The following ANKS1B variants were observed in gnomAD, a reference collection of about 807,000 sequenced individuals.
ANKS1B encodes ankyrin repeat and sterile alpha motif domain-containing protein 1B.
In ANKS1B, 36 loss-of-function variants were observed where a neutral mutation model predicts 148.3. The observed-to-expected ratio is 0.24, with a 90% CI of 0.19 to 0.32. ANKS1B has a LOEUF of 0.32. ANKS1B is among the 10% of genes least tolerant of loss of function. ANKS1B has a pLI of 1.00. For synonymous variants in ANKS1B, 542 were observed against 560.8 expected (o/e 0.97, Z 0.47); for missense variants, 1,157 against 1,542.6 (o/e 0.75, Z 4.19).
intron 25 of ANKS1B, among the ~76,000 whole-genome samples, chr12:98,765,829 T>C (rs6538884): frequency 0.74 from 111,835 of 152,110 alleles, 41,313 homozygotes; most frequent in Admixed American, 0.81. Flanking sequence ...CTCTTGACCT[T>C]AGGTGATCCG....
intron 22 of ANKS1B, chr12:98,794,591 G>T: frequency 3.9e-6 from 3 of 770,588 alleles, no homozygotes; most frequent in Non-Finnish European, 6.9e-6. Context: ...AAATCTAAAT[G>T]TCATTAAAAA....
chr12:99,644,190 C>G (rs976766132), intron 9 of ANKS1B, among the ~76,000 whole-genome samples: 2 of 152,112 alleles, frequency 1.3e-5, no homozygotes, highest in Non-Finnish European at 1.5e-5. Context: ...GAATATAATT[C>G]CTCTAGACTA....
chr12:99,812,520 C>T (rs2068506339), intron 2 of ANKS1B, among the ~76,000 whole-genome samples: 1 of 76,348 alleles, frequency 1.3e-5, no homozygotes, highest in South Asian at 5.7e-4. Flanking sequence ...GCCACACACA[C>T]ACACACACAC....
intron 1 of ANKS1B, among the ~76,000 whole-genome samples, chr12:99,895,610 T>G (rs1196895560): frequency 1.3e-5 from 2 of 150,724 alleles, no homozygotes; most frequent in Admixed American, 1.3e-4. Flanking sequence ...TTCAAAAAAC[T>G]ACCCCAGAAC....
intron 14 of ANKS1B, among the ~76,000 whole-genome samples, chr12:99,206,402 T>A (rs898194243): frequency 6.6e-6 from 1 of 152,176 alleles, no homozygotes; most frequent in Non-Finnish European, 1.5e-5. Flanking sequence ...ACACTGCATT[T>A]AAGATGTGCA....
intron 1 of ANKS1B, among the ~76,000 whole-genome samples, chr12:99,962,483 C>T (rs917637489): frequency 3.3e-5 from 5 of 152,042 alleles, no homozygotes; most frequent in East Asian, 1.9e-4. Flanking sequence ...TCCATGACTT[C>T]GAGATTGTAA....
chr12:99,406,827 A>G lies in ANKS1B; in HGVS notation c.1576-7016T>C, dbSNP rs947172600. On this transcript the variant is annotated intron_variant, in intron 11 of 26. Coordinates refer to ENST00000683438, the MANE Select transcript of ANKS1B (RefSeq NM_001352186.2). Reference sequence around the variant, plus strand: ...AATAAAATGAGAGAAGAAAAAGACAACGTTACAACTGATGCCACAGAAATT... The same window carrying G: ...AATAAAATGAGAGAAGAAAAAGACAGCGTTACAACTGATGCCACAGAAATT... Among the ~76,000 whole-genome samples the G allele has an allele frequency of 5.5e-5, 8 of 145,992 alleles. 1 individual carries two copies. The highest frequency in any genetic ancestry group is 1.1e-4 in the Non-Finnish European group (7 of 66,014).
At chr12:99,375,120 G>A (rs1204449762) in intron 12 of ANKS1B, among the ~76,000 whole-genome samples, 2 of 152,170 alleles carry the variant, frequency 1.3e-5, no homozygotes, top group Non-Finnish European at 2.9e-5. Context: ...TCCGTTAGTT[G>A]AGTTAAAAAA....
At chr12:99,515,369 T>C (rs1476989709) in intron 9 of ANKS1B, among the ~76,000 whole-genome samples, 3 of 152,070 alleles carry the variant, frequency 2.0e-5, no homozygotes, top group African/African-American at 7.2e-5. Flanking sequence ...CTACTTTATG[T>C]CTCCATGAGT....
intron 15 of ANKS1B, among the ~76,000 whole-genome samples, chr12:99,112,213 C>T (rs1340059923): frequency 6.6e-6 from 1 of 152,106 alleles, no homozygotes; most frequent in Admixed American, 6.5e-5. Context: ...ATCAGAATCA[C>T]ACTTTCCTCA....
At chr12:99,058,094 A>G (rs2040896088) in intron 16 of ANKS1B, among the ~76,000 whole-genome samples, 1 of 152,162 alleles carries the variant, frequency 6.6e-6, no homozygotes, top group Admixed American at 6.5e-5. Flanking sequence ...TGGAATATAA[A>G]TCAGACCTTT....
At chr12:99,805,936 C>A (rs1163938865) in intron 4 of ANKS1B, among the ~76,000 whole-genome samples, 1 of 152,228 alleles carries the variant, frequency 6.6e-6, no homozygotes, top group Non-Finnish European at 1.5e-5. Context: ...ATCTTTGAAT[C>A]TGATTCCTCA....
intron 15 of ANKS1B, among the ~76,000 whole-genome samples, chr12:99,092,560 C>T (rs1199148553): frequency 3.3e-5 from 5 of 151,002 alleles, no homozygotes; most frequent in Non-Finnish European, 5.9e-5. Context: ...ATATGCTGAA[C>T]GTTTCCCAGT....
chr12:99,514,331 C>T (rs979681228), intron 9 of ANKS1B, among the ~76,000 whole-genome samples: 1 of 151,966 alleles, frequency 6.6e-6, no homozygotes, highest in South Asian at 2.1e-4. Context: ...TCATATAGTA[C>T]GTATTTAATA....
At chr12:98,978,870 G>A (rs145739591) in intron 17 of ANKS1B, among the ~76,000 whole-genome samples, 107 of 152,220 alleles carry the variant, frequency 7.0e-4, no homozygotes, top group African/African-American at 2.4e-3. Flanking sequence ...AGGGCCGGGC[G>A]CGGTGGCTCA....
At chr12:99,868,309 C>A (rs1248996543) in intron 1 of ANKS1B, among the ~76,000 whole-genome samples, 3 of 152,086 alleles carry the variant, frequency 2.0e-5, no homozygotes, top group African/African-American at 7.2e-5. Context: ...CTGAGCTGTA[C>A]AAATACAGTA....
chr12:99,238,572 G>A (rs543717851), intron 14 of ANKS1B, among the ~76,000 whole-genome samples: 3 of 152,194 alleles, frequency 2.0e-5, no homozygotes, highest in Admixed American at 1.3e-4. Flanking sequence ...TCAGCACAGC[G>A]TTTGAGCTCC....
chr12:98,744,624 A>G lies in ANKS1B; in HGVS notation c.*1115T>C, dbSNP rs1245594168. The G allele has an allele frequency of 2.1e-5, 17 of 816,412 alleles. No homozygotes were observed. The highest frequency in any genetic ancestry group is 2.2e-5 in the Non-Finnish European group (15 of 675,838). 50.6% of individuals were successfully genotyped at this position (816,412 alleles called of 1,614,324 possible). A position where few individuals can be genotyped will look rare whatever the true frequency, so the allele number is the denominator to read the frequency against. On this transcript the variant is annotated 3_prime_UTR_variant, in exon 27 of 27. Transcript: ENST00000683438. ...GTAAATTTTATTTAATCAAATAGTAAGCAAACTTTTTTTTTGTTTGTCTCA... is the reference window on the plus strand; with the variant it reads ...GTAAATTTTATTTAATCAAATAGTAGGCAAACTTTTTTTTTGTTTGTCTCA...
At chr12:99,504,983 C>A (rs1357314548) in intron 9 of ANKS1B, among the ~76,000 whole-genome samples, 1 of 151,978 alleles carries the variant, frequency 6.6e-6, no homozygotes, top group Non-Finnish European at 1.5e-5. Context: ...TGGAGACACC[C>A]ATATAACTCG....
Sources: gnomAD v4.1 joint callset for allele counts (sites outside exome capture counted in the v4.1 genomes callset) on GRCh38, gnomAD v4.1.1 for gene constraint, MANE v1.5 for transcripts, NCBI Gene and HGNC (gene_info 2026-07-23, HGNC 2026-07-21) for gene names.